The following MKI67 variants were observed in gnomAD, a reference collection of about 807,000 sequenced individuals.
MKI67 encodes the protein marker of proliferation Ki-67.
A neutral mutation model predicts 233.5 loss-of-function variants in MKI67; 152 were observed. The observed-to-expected ratio is 0.65, with a 90% CI of 0.57 to 0.74. MKI67 has a LOEUF of 0.74. Ranked by LOEUF, MKI67 falls within the 30% of genes least tolerant of loss-of-function variation. MKI67 has a pLI of 0.00. For synonymous variants in MKI67, 1,465 were observed against 1,418.5 expected (o/e 1.03, Z -0.74); for missense variants, 3,940 against 3,885.2 (o/e 1.01, Z -0.37).
At chr10:128,122,093 A>G (rs1337082150) in intron 4 of MKI67, among the ~76,000 whole-genome samples, 9 of 152,204 alleles carry the variant, frequency 5.9e-5, no homozygotes, top group Admixed American at 3.3e-4. Flanking sequence ...GAAATGTTCT[A>G]TATGAGCTGA....
chr10:128,121,598 T>TA (rs1852949398), intron 4 of MKI67, among the ~76,000 whole-genome samples: 2 of 44,766 alleles, frequency 4.5e-5, no homozygotes, highest in Non-Finnish European at 9.3e-5. Flanking sequence ...AAGTGATATA[T>TA]ATAATAATTA....
Position 128,105,771 on chromosome 10 carries a change from C to T in MKI67, c.6069G>A (p.Gly2023=), listed in dbSNP as rs1012249952. 1.2e-6 allele frequency: 2 copies of T among 1,614,090 alleles called. No individual in the cohort carries two copies. Among genetic ancestry groups the T allele is most frequent in the Non-Finnish European group, 1.7e-6 (2 of 1,180,032 alleles). ...LPVGKLTQTS[G]KTTQTHRETA... is the part of the protein sequence containing the mutation. ...TCTCTCTGTGTGTCTGTGTGGTCTT[C>T]CCTGACGTCTGTGTGAGCTTGCCGA... The change falls in exon 13 of 15, where the codon GGG becomes GGA. Residue 2023 remains glycine (G), a synonymous_variant. Coordinates refer to ENST00000368654, the MANE Select transcript of MKI67 (RefSeq NM_002417.5).
In MKI67 at chr10:128,103,555, C is replaced by A. The variant is rs762234431; in HGVS notation, c.8285G>T (p.Gly2762Val). Residue 2762 changes from glycine to valine, a missense_variant, in exon 13 of 15, where the codon GGC becomes GTC. By Grantham distance (109) the Gly-to-Val change is moderately radical. Transcript: ENST00000368654. ...TGCAGATTCCTTCAATGCTTTGATG[C>A]CTTTATCTTCACCTGCTGGTTCTTT... ...ADKEPAGEDKGIKALKESAKQ... is the reference protein window; with the variant it reads ...ADKEPAGEDKVIKALKESAKQ... 2 of 1,613,656 alleles carry A rather than the reference C, an allele frequency of 1.2e-6. No individual in the cohort carries two copies. Among genetic ancestry groups the A allele is most frequent in the Admixed American group, 1.7e-5 (1 of 59,982 alleles).
chr10:128,108,821 A>G lies in MKI67; in HGVS notation c.3019T>C (p.Cys1007Arg), dbSNP rs765139130. The G allele has an allele frequency of 5.0e-6, 8 of 1,614,020 alleles. No individual in the cohort carries two copies. The Admixed American group carries it at 1.3e-4, about 27-fold the overall frequency. ...SEKGKITKMP[C>R]QSLQPEPINT... ...ATTGGTTCTGGTTGTAATGACTGGCAGGGCATTTTAGTGATTTTGCCTTTC... is the reference window on the plus strand; with the variant it reads ...ATTGGTTCTGGTTGTAATGACTGGCGGGGCATTTTAGTGATTTTGCCTTTC... The change falls in exon 13 of 15, where the codon TGC becomes CGC. Residue 1007 changes from cysteine to arginine, a missense_variant. Cys to Arg is a radical substitution (Grantham distance 180). Transcript: ENST00000368654.
Position 128,103,601 on chromosome 10 carries a change from C to G in MKI67, c.8239G>C (p.Gly2747Arg). 1.2e-6 allele frequency: 2 copies of G among 1,614,148 alleles called. No individual in the cohort carries two copies. The highest frequency in any genetic ancestry group is 2.2e-5 in the South Asian group (2 of 91,082). Residue 2747 changes from glycine to arginine, a missense_variant, in exon 13 of 15, where the codon GGG becomes CGG. Coordinates refer to ENST00000368654, the MANE Select transcript of MKI67 (RefSeq NM_002417.5). Reference protein sequence around the residue: ...PSAVKFTQTSGETTDADKEPA... With the variant: ...PSAVKFTQTSRETTDADKEPA... ...TCTTTGTCTGCATCCGTGGTTTCCC[C>G]TGATGTTTGTGTGAACTTGACTGCT... is the stretch of plus-strand genomic sequence containing the variant.
At position 128,119,258 on chromosome 10, in the gene MKI67, C is replaced by T; in HGVS notation, c.349G>A (p.Glu117Lys). 1 of 1,603,268 alleles carries T rather than the reference C, an allele frequency of 6.2e-7. No homozygotes were observed. Among genetic ancestry groups the T allele is most frequent in the Non-Finnish European group, 8.5e-7 (1 of 1,170,576 alleles). ...ACTTGGATATTTTCTATCACCTGTT[C>T]ACGTATTTTTCTTGGAAATTCAGTT... is the stretch of plus-strand genomic sequence containing the variant. ...KSTEFPRKIR[E>K]QEPARRVSRS... The change falls in exon 5 of 15, where the codon GAA becomes AAA. Residue 117 changes from glutamate (E) to lysine (K), a missense_variant. Transcript: ENST00000368654.
chr10:128,112,073 C>CA (rs1852691288), intron 9 of MKI67, 28 bp from the exon 10 acceptor site: 1 of 1,605,898 alleles, frequency 6.2e-7, no homozygotes, highest in South Asian at 1.1e-5. Flanking sequence ...CGAAACTTTT[C>CA]AAAAATTAGC....
intron 6 of MKI67, among the ~76,000 whole-genome samples, chr10:128,116,230 T>G (rs2136146434): frequency 6.6e-6 from 1 of 152,252 alleles, no homozygotes; most frequent in East Asian, 1.9e-4. Context: ...AAATAGCACA[T>G]GCTATCTAAC....
chr10:128,112,128 C>G lies in MKI67; in HGVS notation c.1969+5G>C. 6.2e-7 allele frequency: 1 copy of G among 1,613,074 alleles called. No homozygotes were observed. Among genetic ancestry groups the G allele is most frequent in the Non-Finnish European group, 8.5e-7 (1 of 1,179,186 alleles). ...TTAATATATGTATTCTAATGTCAGA[C>G]TAACCAATCAGATTTGCTTCCGAAG... On this transcript the variant is annotated splice_donor_5th_base_variant and intron_variant, in intron 9 of 14. Transcript: ENST00000368654.
Position 128,105,158 on chromosome 10 carries a change from G to A in MKI67, c.6682C>T (p.Pro2228Ser), listed in dbSNP as rs1223274194. The A allele has an allele frequency of 1.9e-6, 3 of 1,613,232 alleles. No individual in the cohort carries two copies. The highest frequency in any genetic ancestry group is 2.2e-5 in the East Asian group (1 of 44,832). ...KIACRSPQPD[P>S]VGTPTIFKPQ... The stretch of plus-strand genomic sequence containing the variant: ...TTGAAGATTGTTGGGGTACCCACTG[G>A]GTCTGGTTGTGGAGATCTGCAGGCT... The change falls in exon 13 of 15, where the codon CCA becomes TCA. Residue 2228 changes from proline to serine, a missense_variant. Coordinates refer to ENST00000368654, the MANE Select transcript of MKI67 (RefSeq NM_002417.5).
chr10:128,110,295 G>T, intron 12 of MKI67, 83 bp downstream of exon 12: 2 of 1,111,206 alleles, frequency 1.8e-6, no homozygotes, highest in Non-Finnish European at 2.5e-6. Context: ...TTTTAGAGAA[G>T]TAATATCATA....
chr10:128,125,989 C>G lies in MKI67; in HGVS notation c.-90+110G>C, dbSNP rs1430248693. On this transcript the variant is annotated intron_variant, in intron 1 of 14. Coordinates refer to ENST00000368654, the MANE Select transcript of MKI67 (RefSeq NM_002417.5). This position sits in a 1 kb window ranked among gnomAD's most constrained non-coding sequence, Gnocchi z 5.3. Reference sequence around the variant, plus strand: ...GCCCTCGCCAGAGCCCAGGAGGAGTCGGGCCCAGGCCGCGCGTCTGTCCCC... The same window carrying G: ...GCCCTCGCCAGAGCCCAGGAGGAGTGGGGCCCAGGCCGCGCGTCTGTCCCC... 5.3e-6 allele frequency: 2 copies of G among 374,004 alleles called. No individual in the cohort carries two copies. The highest frequency in any genetic ancestry group is 4.3e-5 in the African/African-American group (2 of 46,058). 23.2% of individuals were successfully genotyped at this position (374,004 alleles called of 1,614,324 possible).
Position 128,102,771 on chromosome 10 carries a change from C to A in MKI67, c.9069G>T (p.Glu3023Asp). The A allele has an allele frequency of 6.2e-7, 1 of 1,614,242 alleles. No homozygotes were observed. Among genetic ancestry groups the A allele is most frequent in the Non-Finnish European group, 8.5e-7 (1 of 1,180,044 alleles). ...RCMPAPEEIV[E>D]ELPASKKQRV... Reference sequence around the variant, plus strand: ...TCTGCTTCTTGCTGGCTGGCAGCTCCTCCACAATTTCCTCTGGTGCTGGCA... The same window carrying A: ...TCTGCTTCTTGCTGGCTGGCAGCTCATCCACAATTTCCTCTGGTGCTGGCA... Residue 3023 changes from glutamate to aspartate, a missense_variant, in exon 13 of 15, where the codon GAG becomes GAT. Coordinates refer to ENST00000368654, the MANE Select transcript of MKI67 (RefSeq NM_002417.5).
At chr10:128,120,909 C>G (rs1427013237) in intron 4 of MKI67, among the ~76,000 whole-genome samples, 1 of 152,068 alleles carries the variant, frequency 6.6e-6, no homozygotes, top group Non-Finnish European at 1.5e-5. Context: ...ATCAATCCAG[C>G]AAGAAGATAT....
At chr10:128,114,793 C>T (rs1486098033) in intron 7 of MKI67, 135 bp downstream of exon 7, 1 of 835,608 alleles carries the variant, frequency 1.2e-6, no homozygotes, top group East Asian at 2.5e-5. Context: ...GCGTGCGTGT[C>T]TGTCTTATCC....
rs754393308 is a variant in MKI67 at position 128,104,968 on chromosome 10, T to C, written c.6872A>G (p.Asp2291Gly). ...AFMGTPVQKL[D>G]LPGNLPGSKR... ...GCTGCCAGGTAAATTTCCTGGCAGG[T>C]CCAATTTCTGCACTGGAGTTCCCAT... Residue 2291 changes from aspartate to glycine, a missense_variant, in exon 13 of 15, where the codon GAC (aspartate) becomes GGC (glycine). Transcript: ENST00000368654. 2.5e-6 allele frequency: 4 copies of C among 1,613,634 alleles called. No individual in the cohort carries two copies. Among genetic ancestry groups the C allele is most frequent in the Non-Finnish European group, 3.4e-6 (4 of 1,179,992 alleles).
At chr10:128,118,760 A>C (rs1852862214) in intron 5 of MKI67, among the ~76,000 whole-genome samples, 1 of 152,210 alleles carries the variant, frequency 6.6e-6, no homozygotes, top group Admixed American at 6.5e-5. Flanking sequence ...AAACTATAGG[A>C]TTCTCTCACA....
Position 128,115,080 on chromosome 10 carries a change from G to T in MKI67, c.1328C>A (p.Pro443Gln). 1 of 1,613,916 alleles carries T rather than the reference G, an allele frequency of 6.2e-7. No homozygotes were observed. Among genetic ancestry groups the T allele is most frequent in the Non-Finnish European group, 8.5e-7 (1 of 1,179,796 alleles). Reference protein sequence around the residue: ...LPTETEIHNEPFLTLWLTQVE... With the variant: ...LPTETEIHNEQFLTLWLTQVE... Reference sequence around the variant, plus strand: ...TTGAGTGAGCCACAGAGTTAAAAATGGCTCATTGTGAATTTCAGTTTCCGT... The same window carrying T: ...TTGAGTGAGCCACAGAGTTAAAAATTGCTCATTGTGAATTTCAGTTTCCGT... Residue 443 changes from proline (P) to glutamine (Q), a missense_variant, in exon 7 of 15, where the codon CCA (proline) becomes CAA (glutamine). Transcript: ENST00000368654.
rs1852360711 is a variant in MKI67 at position 128,102,662 on chromosome 10, C to T, written c.9178G>A (p.Glu3060Lys). Residue 3060 changes from glutamate to lysine, a missense_variant, in exon 13 of 15, where the codon GAA becomes AAA. Physicochemically the swap from Glu to Lys is moderately conservative, Grantham distance 56 (BLOSUM62 1). Transcript: ENST00000368654. ...TTGCTGTTCAGCTCTTCCGCAGGTT[C>T]AATTCTTTTTGCAGAAGTCCTCAAA... ...RSLRTSAKRI[E>K]PAEELNSNDM... 2 of 1,614,208 alleles carry T rather than the reference C, an allele frequency of 1.2e-6. No homozygotes were observed. The highest frequency in any genetic ancestry group is 4.5e-5 in the East Asian group (2 of 44,884).
Sources: gnomAD v4.1 joint callset for allele counts (sites outside exome capture counted in the v4.1 genomes callset) on GRCh38, gnomAD v4.1.1 for gene constraint, Gnocchi (gnomAD v3.1) non-coding constraint, MANE v1.5 for transcripts, NCBI Gene and HGNC (gene_info 2026-07-23, HGNC 2026-07-21) for gene names.